Variants in SLC45A2 observed in about 807,000 individuals in gnomAD.
The protein encoded by SLC45A2 is membrane-associated transporter protein.
Under a neutral mutation model 45.5 loss-of-function variants are expected in SLC45A2, and 36 were observed. The ratio of observed to expected loss-of-function variants is 0.79; its 90% CI spans 0.61 to 1.04. SLC45A2 has a LOEUF of 1.04. Among genes scored for constraint, SLC45A2 ranks in the 50% least tolerant of loss-of-function variants. The pLI, the probability that SLC45A2 is intolerant of heterozygous loss-of-function variation, is 0.00. For missense variants in SLC45A2, 719 were observed against 671.0 expected (o/e 1.07, Z -0.79); for synonymous variants, 306 against 269.3 (o/e 1.14, Z -1.33).
intron 2 of SLC45A2, among the ~76,000 whole-genome samples, chr5:33,975,626 T>C (rs1474866449): frequency 6.6e-6 from 1 of 152,246 alleles, no homozygotes; most frequent in Non-Finnish European, 1.5e-5. Context: ...TGTGTTTGCA[T>C]TTTATGTGAT....
At chr5:33,970,796 A>G (rs1490702437) in intron 2 of SLC45A2, 3 of 276,840 alleles carry the variant, frequency 1.1e-5, no homozygotes, top group Non-Finnish European at 2.1e-5. Context: ...ATGTTCTTGT[A>G]CTTGAGGAGT....
chr5:33,952,692 A>ATT (rs35585160), intron 4 of SLC45A2, among the ~76,000 whole-genome samples: 1 of 123,824 alleles, frequency 8.1e-6, no homozygotes, highest in African/African-American at 2.9e-5. Flanking sequence ...TTTTTTTTTA[A>ATT]TTTTTTTTTT....
chr5:33,969,682 T>C (rs1386735411), intron 2 of SLC45A2, among the ~76,000 whole-genome samples: 4 of 152,164 alleles, frequency 2.6e-5, no homozygotes, highest in African/African-American at 4.8e-5. Context: ...GCATTCATGA[T>C]GGGTGCACAC....
chr5:33,952,511 C>A (rs1225496498), intron 4 of SLC45A2, among the ~76,000 whole-genome samples: 1 of 151,674 alleles, frequency 6.6e-6, no homozygotes, highest in Non-Finnish European at 1.5e-5. Flanking sequence ...AATTAGAGGT[C>A]TCTGTAGTAA....
intron 2 of SLC45A2, among the ~76,000 whole-genome samples, chr5:33,981,437 G>A (rs1753068857): frequency 6.6e-6 from 1 of 152,192 alleles, no homozygotes. Flanking sequence ...CATTGGCTGG[G>A]CTACAAAGAC....
At chr5:33,958,146 C>A (rs1752333433) in intron 3 of SLC45A2, among the ~76,000 whole-genome samples, 1 of 152,152 alleles carries the variant, frequency 6.6e-6, no homozygotes, top group East Asian at 1.9e-4. Context: ...AAGAAAACTT[C>A]ACAAACATAC....
chr5:33,948,729 A>G (rs186639770), intron 5 of SLC45A2, among the ~76,000 whole-genome samples: 1 of 152,362 alleles, frequency 6.6e-6, no homozygotes, highest in East Asian at 1.9e-4. Context: ...AATTATATTT[A>G]TACAGAAAAT....
intron 6 of SLC45A2, chr5:33,945,818 A>T (rs1751905020): frequency 2.2e-6 from 1 of 460,278 alleles, no homozygotes; most frequent in Non-Finnish European, 2.9e-6. Context: ...CATTATGCTG[A>T]AAAACGCATA....
At chr5:33,972,686 A>G (rs983868129) in intron 2 of SLC45A2, 1 of 153,176 alleles carries the variant, frequency 6.5e-6, no homozygotes, top group African/African-American at 2.4e-5. Flanking sequence ...GAAGTTAAAG[A>G]AAATACTATA....
At chr5:33,949,799 C>G (rs945327680) in intron 5 of SLC45A2, among the ~76,000 whole-genome samples, 3 of 151,646 alleles carry the variant, frequency 2.0e-5, no homozygotes, top group Non-Finnish European at 2.9e-5. Context: ...GTTTCAAATG[C>G]CATAAAATTT....
intron 2 of SLC45A2, among the ~76,000 whole-genome samples, chr5:33,973,896 T>C (rs1032762287): frequency 5.3e-5 from 8 of 152,142 alleles, no homozygotes; most frequent in Non-Finnish European, 7.3e-5. Context: ...GGTGCAGAGA[T>C]TTGCAAGCCT....
At chr5:33,963,579 A>G in intron 3 of SLC45A2, 112 bp downstream of exon 3, 2 of 1,195,964 alleles carry the variant, frequency 1.7e-6, no homozygotes, top group South Asian at 2.5e-5. Flanking sequence ...ATTCAGTTAG[A>G]CCCCATGAAA....
chr5:33,969,568 T>A (rs1214743310), intron 2 of SLC45A2, among the ~76,000 whole-genome samples: 1 of 152,150 alleles, frequency 6.6e-6, no homozygotes, highest in Non-Finnish European at 1.5e-5. Flanking sequence ...ATAAGAATGG[T>A]TTGTCTTGCT....
chr5:33,953,901 G>T (rs1426058962), intron 4 of SLC45A2, among the ~76,000 whole-genome samples: 1 of 117,530 alleles, frequency 8.5e-6, no homozygotes, highest in Non-Finnish European at 1.8e-5. Flanking sequence ...AAAGGCAGGG[G>T]TTGCAATCCT....
At chr5:33,966,297 G>A (rs1359797468) in intron 2 of SLC45A2, among the ~76,000 whole-genome samples, 7 of 151,976 alleles carry the variant, frequency 4.6e-5, no homozygotes, top group East Asian at 1.9e-4. Context: ...AACATGTATC[G>A]AACACTAAAT....
chr5:33,946,098 G>C (rs1751917562), intron 6 of SLC45A2: 24 of 985,388 alleles, frequency 2.4e-5, no homozygotes, highest in Non-Finnish European at 2.9e-5. Context: ...CCAAGTGAGA[G>C]AGGCAGGATT....
intron 2 of SLC45A2, among the ~76,000 whole-genome samples, chr5:33,972,822 C>T (rs1218100648): frequency 1.3e-5 from 2 of 152,054 alleles, no homozygotes; most frequent in South Asian, 2.1e-4. Flanking sequence ...TTGCTAATAT[C>T]GCATTTATTG....
intron 2 of SLC45A2, among the ~76,000 whole-genome samples, chr5:33,978,498 C>T (rs144497600): frequency 5.0e-4 from 76 of 152,170 alleles, no homozygotes; most frequent in African/African-American, 1.8e-3. Flanking sequence ...CTGAAACTTG[C>T]TATCTGGAGG....
intron 2 of SLC45A2, chr5:33,972,221 A>G: frequency 1.9e-6 from 1 of 524,814 alleles, no homozygotes; most frequent in South Asian, 1.4e-5. Flanking sequence ...TTCAGCTGAC[A>G]GAGAGATTCA....
Sources: allele counts gnomAD v4.1 joint callset (sites outside exome capture counted in the v4.1 genomes callset), GRCh38; gene constraint gnomAD v4.1.1; transcripts MANE v1.5; gene names NCBI Gene and HGNC (gene_info 2026-07-23, HGNC 2026-07-21).